The following TRIM34 variants were observed in gnomAD, a reference collection of about 807,000 sequenced individuals.
TRIM34 encodes the protein tripartite motif containing 34.
A neutral mutation model predicts 38.1 loss-of-function variants in TRIM34; 41 were observed. The ratio of observed to expected loss-of-function variants is 1.08; its 90% CI spans 0.84 to 1.40. The LOEUF (loss-of-function observed/expected upper bound fraction) is 1.40, where lower values mean the gene tolerates loss of function less well. Among genes scored for constraint, TRIM34 ranks in the 40% most tolerant of loss-of-function variants. The probability of loss-of-function intolerance (pLI) is 0.00; values close to 1 mark genes in which losing one functional copy is unlikely to be tolerated. For missense variants in TRIM34, 556 were observed against 571.4 expected (o/e 0.97, Z 0.27); for synonymous variants, 200 against 202.5 (o/e 0.99, Z 0.10).
At chr11:5,642,561 T>C in intron 6 of TRIM34, 55 bp downstream of exon 6, 7 of 1,592,270 alleles carry the variant, frequency 4.4e-6, no homozygotes, top group Non-Finnish European at 6.0e-6. Context: ...TGTCAGGTAA[T>C]AAACTGTCTA....
chr11:5,625,525 A>G (rs1849173588), intron 1 of TRIM34, among the ~76,000 whole-genome samples: 1 of 152,170 alleles, frequency 6.6e-6, no homozygotes, highest in African/African-American at 2.4e-5. Flanking sequence ...GTGGCGTCAG[A>G]TAGAATGGAG....
intron 4 of TRIM34, among the ~76,000 whole-genome samples, chr11:5,638,171 G>C (rs1001108158): frequency 5.9e-5 from 9 of 152,324 alleles, no homozygotes; most frequent in African/African-American, 2.2e-4. Context: ...AAATTGTACT[G>C]TCATTGCAGT....
chr11:5,634,938 A>G, intron 4 of TRIM34, 77 bp downstream of exon 4: 2 of 1,495,748 alleles, frequency 1.3e-6, no homozygotes, highest in Non-Finnish European at 1.8e-6. Flanking sequence ...CCTGGTGGTG[A>G]CACTAAGGGG....
At chr11:5,639,807 T>C (rs951060508) in intron 4 of TRIM34, among the ~76,000 whole-genome samples, 2 of 151,996 alleles carry the variant, frequency 1.3e-5, no homozygotes, top group Non-Finnish European at 2.9e-5. Flanking sequence ...TACTATTTTC[T>C]TTCCAATATA....
At chr11:5,636,694 T>G (rs1232143041) in intron 4 of TRIM34, among the ~76,000 whole-genome samples, 1 of 152,210 alleles carries the variant, frequency 6.6e-6, no homozygotes. Context: ...TTTGGTCACT[T>G]GGAATTTAAA....
chr11:5,625,114 T>A (rs947093693), intron 1 of TRIM34, 54 bp downstream of exon 1: 2 of 152,190 alleles, frequency 1.3e-5, no homozygotes, highest in African/African-American at 4.8e-5. Context: ...GGAGAAAAGT[T>A]CTCAGTGAAG....
At chr11:5,639,730 G>A (rs943192972) in intron 4 of TRIM34, among the ~76,000 whole-genome samples, 3 of 146,240 alleles carry the variant, frequency 2.1e-5, no homozygotes, top group Non-Finnish European at 4.5e-5. Flanking sequence ...TTGCCTATAG[G>A]CGGTGGATAG....
At chr11:5,643,031 C>T (rs1053138499) in intron 7 of TRIM34, 113 bp from the exon 8 acceptor site, 23 of 1,277,488 alleles carry the variant, frequency 1.8e-5, no homozygotes, top group East Asian at 5.1e-5. Flanking sequence ...TTCCCAAGTT[C>T]GTTCATCACC....
At chr11:5,641,315 T>C in intron 5 of TRIM34, 126 bp downstream of exon 5, 4 of 1,554,644 alleles carry the variant, frequency 2.6e-6, no homozygotes, top group Non-Finnish European at 3.5e-6. Flanking sequence ...TGTATCGTTA[T>C]CTTAAATTGC....
In TRIM34 at chr11:5,633,835, AGAAG is replaced by A. The variant is rs1849598181; in HGVS notation, c.460_463del (p.Glu154ArgfsTer40). The A allele has an allele frequency of 6.2e-7, 1 of 1,613,962 alleles. No homozygotes were observed. The highest frequency in any genetic ancestry group is 1.3e-5 in the African/African-American group (1 of 74,950). On this transcript the variant is annotated frameshift_variant, in exon 3 of 8. Coordinates refer to ENST00000429814, the MANE Select transcript of TRIM34 (RefSeq NM_021616.6). LOFTEE classifies it high-confidence loss of function. ...CTCCAGGCAGTCCTCAAGAGGCTGA[AGAAG>A]GAAGAGGAGGAAGCTGAGAAGCTGG...
intron 2 of TRIM34, 108 bp from the exon 3 acceptor site, chr11:5,633,696 C>T (rs1358949410): frequency 4.6e-6 from 5 of 1,091,624 alleles, no homozygotes; most frequent in Admixed American, 2.9e-5. Flanking sequence ...TTCACAGTTT[C>T]TGTAAATTGC....
chr11:5,632,821 CCTTT>C (rs1166333171), intron 2 of TRIM34, 67 bp downstream of exon 2: 2 of 1,189,816 alleles, frequency 1.7e-6, no homozygotes, highest in South Asian at 1.9e-5. Flanking sequence ...ACCTTTTCAT[CCTTT>C]TTTTTTTTTT....
At chr11:5,626,575 G>C (rs1053367587) in intron 1 of TRIM34, 1 of 152,182 alleles carries the variant, frequency 6.6e-6, no homozygotes, top group Non-Finnish European at 1.5e-5. Context: ...AGTGTGCCTG[G>C]AGAGGCATAA....
Position 5,643,561 on chromosome 11 carries a change from A to G in TRIM34, c.1319A>G (p.Glu440Gly). The G allele has an allele frequency of 1.2e-6, 2 of 1,614,120 alleles. No homozygotes were observed. Among genetic ancestry groups the G allele is most frequent in the Non-Finnish European group, 1.7e-6 (2 of 1,180,018 alleles). Residue 440 changes from glutamate (E) to glycine (G), a missense_variant, in exon 8 of 8, where the codon GAA becomes GGA. Coordinates refer to ENST00000429814, the MANE Select transcript of TRIM34 (RefSeq NM_021616.6). ...CGTGTTGGGGTTTTCCTCGACTATG[A>G]AGCAGGCATTGTCTCATTTTTCAAT... ...PCRVGVFLDY[E>G]AGIVSFFNVT...
Position 5,641,159 on chromosome 11 carries a change from CT to C in TRIM34, c.751-5del, listed in dbSNP as rs768334610. 1.4e-4 allele frequency: 222 copies of C among 1,609,966 alleles called. No homozygotes were observed. Among genetic ancestry groups the C allele is most frequent in the Non-Finnish European group, 1.9e-4 (220 of 1,177,982 alleles). ...CACTTTGACTCATGTTTTCTCTTTT[CT>C]TTCTAGGACATGAGTGGAATCATGA... On this transcript the variant is annotated splice_region_variant and splice_polypyrimidine_tract_variant and intron_variant, in intron 4 of 7. Transcript: ENST00000429814.
intron 1 of TRIM34, among the ~76,000 whole-genome samples, chr11:5,631,932 A>G (rs1311511531): frequency 6.6e-6 from 1 of 152,198 alleles, no homozygotes; most frequent in Non-Finnish European, 1.5e-5. Flanking sequence ...TGTACACTGA[A>G]TGATGAGTTT....
At chr11:5,640,656 C>T (rs1590185267) in intron 4 of TRIM34, among the ~76,000 whole-genome samples, 1 of 151,980 alleles carries the variant, frequency 6.6e-6, no homozygotes, top group Non-Finnish European at 1.5e-5. Flanking sequence ...TAGGATGAGC[C>T]TCATGTAATC....
chr11:5,641,055 C>T, intron 4 of TRIM34, 112 bp from the exon 5 acceptor site: 1 of 1,398,418 alleles, frequency 7.2e-7, no homozygotes, highest in South Asian at 1.7e-5. Context: ...TTGACATTTT[C>T]ATATAACTCA....
At chr11:5,626,507 G>C (rs1488941058) in intron 1 of TRIM34, 1 of 152,166 alleles carries the variant, frequency 6.6e-6, no homozygotes, top group Non-Finnish European at 1.5e-5. Context: ...GAAATTAAAG[G>C]CTTTAATGGT....
Sources: allele counts gnomAD v4.1 joint callset (sites outside exome capture counted in the v4.1 genomes callset), GRCh38; gene constraint gnomAD v4.1.1; transcripts MANE v1.5; gene names NCBI Gene and HGNC (gene_info 2026-07-23, HGNC 2026-07-21).